Variants in PLPPR4 observed in about 807,000 individuals in gnomAD.
PLPPR4 encodes the protein phospholipid phosphatase related 4, also known as phospholipid phosphatase-related protein type 4.
Under a neutral mutation model 56.6 loss-of-function variants are expected in PLPPR4, and 24 were observed. That is an observed-to-expected ratio of 0.42 (90% CI 0.31 to 0.60). The LOEUF (loss-of-function observed/expected upper bound fraction) is 0.60, where lower values mean the gene tolerates loss of function less well. Ranked by LOEUF, PLPPR4 falls within the 20% of genes least tolerant of loss-of-function variation. The pLI is 0.13. For missense variants in PLPPR4, 654 were observed against 885.8 expected, an observed-to-expected ratio of 0.74 and a Z score of 3.32; for synonymous variants, 326 against 328.1, an observed-to-expected ratio of 0.99 and a Z score of 0.07.
intron 1 of PLPPR4, among the ~76,000 whole-genome samples, chr1:99,281,596 G>A (rs1659326565): frequency 6.6e-6 from 1 of 151,666 alleles, no homozygotes; most frequent in South Asian, 2.1e-4. Context: ...TAGCTACAAG[G>A]CAAAAAATAC....
chr1:99,304,566 G>A (rs1233531831), intron 6 of PLPPR4, among the ~76,000 whole-genome samples: 10 of 152,162 alleles, frequency 6.6e-5, no homozygotes, highest in Admixed American at 2.0e-4. Flanking sequence ...TCTGGTGAGA[G>A]CATAGACAGA....
intron 1 of PLPPR4, among the ~76,000 whole-genome samples, chr1:99,280,202 A>G (rs1468184127): frequency 6.6e-6 from 1 of 152,096 alleles, no homozygotes; most frequent in South Asian, 2.1e-4. Flanking sequence ...ATGTTTCCCA[A>G]CTTAGACACC....
At chr1:99,274,006 T>C (rs895239601) in intron 1 of PLPPR4, among the ~76,000 whole-genome samples, 1 of 152,072 alleles carries the variant, frequency 6.6e-6, no homozygotes, top group Non-Finnish European at 1.5e-5. Flanking sequence ...GACTTACCTA[T>C]GGATTGTTTG....
intron 1 of PLPPR4, among the ~76,000 whole-genome samples, chr1:99,278,401 T>C (rs1659245823): frequency 6.6e-6 from 1 of 152,142 alleles, no homozygotes; most frequent in Non-Finnish European, 1.5e-5. Flanking sequence ...ACATATAAAG[T>C]ACTTTAAATG....
intron 1 of PLPPR4, among the ~76,000 whole-genome samples, chr1:99,272,659 G>A (rs577343752): frequency 2.6e-5 from 4 of 152,168 alleles, no homozygotes; most frequent in Admixed American, 6.5e-5. Flanking sequence ...TTTTCTCATT[G>A]CCTAAGTGCC....
At chr1:99,296,899 G>A (rs1331830633) in intron 3 of PLPPR4, 32 bp downstream of exon 3, 1 of 1,490,224 alleles carries the variant, frequency 6.7e-7, no homozygotes, top group Non-Finnish European at 9.0e-7. Flanking sequence ...GAAAAGAAAT[G>A]CTTTTTTTTT....
intron 2 of PLPPR4, among the ~76,000 whole-genome samples, chr1:99,292,798 T>C (rs1570918629): frequency 1.3e-5 from 2 of 152,268 alleles, no homozygotes; most frequent in Non-Finnish European, 2.9e-5. Flanking sequence ...TTTCTTGGTT[T>C]TGAAGGCCTT....
At chr1:99,289,583 C>A (rs1052520587) in intron 2 of PLPPR4, among the ~76,000 whole-genome samples, 1 of 151,824 alleles carries the variant, frequency 6.6e-6, no homozygotes, top group Non-Finnish European at 1.5e-5. Context: ...TCTTGGAGTG[C>A]GATATTGCTC....
chr1:99,264,999 C>T (rs1221046554), intron 1 of PLPPR4, among the ~76,000 whole-genome samples: 3 of 152,192 alleles, frequency 2.0e-5, no homozygotes. Context: ...CCCAGAGGGG[C>T]CATGATGCCC....
At chr1:99,292,394 A>C (rs1420089552) in intron 2 of PLPPR4, among the ~76,000 whole-genome samples, 1 of 152,144 alleles carries the variant, frequency 6.6e-6, no homozygotes, top group Non-Finnish European at 1.5e-5. Flanking sequence ...TTTGGCATTA[A>C]AACTTTCTTT....
chr1:99,285,884 G>A (rs1659450958), intron 1 of PLPPR4, among the ~76,000 whole-genome samples: 1 of 152,124 alleles, frequency 6.6e-6, no homozygotes, highest in Non-Finnish European at 1.5e-5. Context: ...GGTTCTGGAA[G>A]GTCTGGCACT....
At chr1:99,276,927 G>A (rs1048994417) in intron 1 of PLPPR4, among the ~76,000 whole-genome samples, 26 of 152,160 alleles carry the variant, frequency 1.7e-4, no homozygotes, top group African/African-American at 6.3e-4. Flanking sequence ...CCCATGTTTG[G>A]TGAGAGGGAT....
Position 99,306,528 on chromosome 1 carries a change from A to T in PLPPR4, c.1666A>T (p.Thr556Ser). Residue 556 changes from threonine (T) to serine (S), a missense_variant, in exon 7 of 7, where the codon ACT (threonine) becomes TCT (serine). Physicochemically the swap from Thr to Ser is moderately conservative, Grantham distance 58. Around this residue, in one of 2 missense-constraint regions of PLPPR4, gnomAD observed 468 missense variants for 554.3 expected, o/e 0.84. Transcript: ENST00000370185. The surrounding 1 kb of genome is among the most constrained non-coding windows in gnomAD (Gnocchi z 4.0). Reference protein sequence around the residue: ...KNTEGSTVSCTGSIRYKTLTD... With the variant: ...KNTEGSTVSCSGSIRYKTLTD... ...CACTGAAGGCAGCACGGTCTCCTGCACTGGCTCCATCCGCTATAAAACCTT... is the reference window on the plus strand; with the variant it reads ...CACTGAAGGCAGCACGGTCTCCTGCTCTGGCTCCATCCGCTATAAAACCTT... The T allele has an allele frequency of 6.2e-7, 1 of 1,614,192 alleles. No homozygotes were observed. The highest frequency in any genetic ancestry group is 8.5e-7 in the Non-Finnish European group (1 of 1,180,026).
chr1:99,301,932 T>G, intron 6 of PLPPR4, 35 bp downstream of exon 6: 3 of 1,475,200 alleles, frequency 2.0e-6, no homozygotes, highest in Non-Finnish European at 2.8e-6. Context: ...AAGCCAAAGT[T>G]TAAAATGGAA....
intron 1 of PLPPR4, among the ~76,000 whole-genome samples, chr1:99,287,059 C>A (rs1305491331): frequency 6.6e-6 from 1 of 152,112 alleles, no homozygotes; most frequent in African/African-American, 2.4e-5. Context: ...CCCCAACATG[C>A]CCTGGTGTGT....
chr1:99,279,283 A>T (rs1659265366), intron 1 of PLPPR4, among the ~76,000 whole-genome samples: 1 of 152,208 alleles, frequency 6.6e-6, no homozygotes, highest in African/African-American at 2.4e-5. Context: ...GGTCAGAGAA[A>T]GTGATCCGAA....
chr1:99,307,692 A>T lies in PLPPR4; in HGVS notation c.*682A>T, dbSNP rs1003352059. Reference sequence around the variant, plus strand: ...AATTCTGCTTTCTTCAACATCAAAAATTGTGTAGAAATATTTTCAGTGAAA... The same window carrying T: ...AATTCTGCTTTCTTCAACATCAAAATTTGTGTAGAAATATTTTCAGTGAAA... On this transcript the variant is annotated 3_prime_UTR_variant, in exon 7 of 7. Coordinates refer to ENST00000370185, the MANE Select transcript of PLPPR4 (RefSeq NM_014839.5). 1 of 152,324 alleles carries T rather than the reference A, an allele frequency of 6.6e-6. No homozygotes were observed. Among genetic ancestry groups the T allele is most frequent in the African/African-American group, 2.4e-5 (1 of 41,580 alleles). The allele number at this position is 152,324 out of a possible 1,614,324, so 9.4% of individuals were successfully genotyped here. A position where few individuals can be genotyped will look rare whatever the true frequency, so the allele number is the denominator to read the frequency against.
At chr1:99,265,852 G>C (rs1419228696) in intron 1 of PLPPR4, among the ~76,000 whole-genome samples, 1 of 152,156 alleles carries the variant, frequency 6.6e-6, no homozygotes, top group Non-Finnish European at 1.5e-5. Context: ...AATATATTTG[G>C]AAGTTTTGTA....
intron 2 of PLPPR4, among the ~76,000 whole-genome samples, chr1:99,291,800 G>A (rs1037140863): frequency 3.3e-5 from 5 of 151,922 alleles, no homozygotes; most frequent in African/African-American, 1.2e-4. Flanking sequence ...GGAGGAAGAG[G>A]ATCAGAAGAA....
Sources: allele counts gnomAD v4.1 joint callset (sites outside exome capture counted in the v4.1 genomes callset), GRCh38; gene constraint gnomAD v4.1.1; regional missense constraint gnomAD v4.1.1; non-coding constraint Gnocchi (gnomAD v3.1); transcripts MANE v1.5; gene names NCBI Gene and HGNC (gene_info 2026-07-23, HGNC 2026-07-21).